LPGAT1: variants seen among roughly 807,000 people sequenced by gnomAD.
LPGAT1 encodes acyl-CoA:lysophosphatidylglycerol acyltransferase 1.
LPGAT1 carries 11 observed loss-of-function variants against 47.5 expected under a neutral mutation model. The observed-to-expected ratio is 0.23, with a 90% CI of 0.15 to 0.38. The LOEUF (loss-of-function observed/expected upper bound fraction) is 0.38, where lower values mean the gene tolerates loss of function less well. LPGAT1 is among the 10% of genes least tolerant of loss of function. The probability of loss-of-function intolerance (pLI) is 1.00; values close to 1 mark genes in which losing one functional copy is unlikely to be tolerated. For synonymous variants in LPGAT1, 138 were observed against 144.2 expected, an observed-to-expected ratio of 0.96 and a Z score of 0.31; for missense variants, 293 against 439.0, an observed-to-expected ratio of 0.67 and a Z score of 2.97.
rs528689840 is a variant in LPGAT1 at position 211,747,937 on chromosome 1, A to G, written c.*1962T>C. On this transcript the variant is annotated 3_prime_UTR_variant, in exon 8 of 8. Coordinates refer to ENST00000366997, the MANE Select transcript of LPGAT1 (RefSeq NM_014873.3). Reference sequence around the variant, plus strand: ...TCTTCTGCATTTTACCAGTAGTAGTATAATATTCAATGAGGTATTTCAGTT... The same window carrying G: ...TCTTCTGCATTTTACCAGTAGTAGTGTAATATTCAATGAGGTATTTCAGTT... The G allele has an allele frequency of 1.3e-5, 2 of 152,788 alleles. No individual in the cohort carries two copies. Among genetic ancestry groups the G allele is most frequent in the Admixed American group, 6.5e-5 (1 of 15,302 alleles). The allele number at this position is 152,788 out of a possible 1,614,324, so 9.5% of individuals were successfully genotyped here. A position where few individuals can be genotyped will look rare whatever the true frequency, so the allele number is the denominator to read the frequency against.
At chr1:211,803,720 TCAAATA>T (rs746995207) in intron 2 of LPGAT1, among the ~76,000 whole-genome samples, 1 of 151,904 alleles carries the variant, frequency 6.6e-6, no homozygotes, top group Non-Finnish European at 1.5e-5. Flanking sequence ...ACAATAAAAT[TCAAATA>T]CAAACTAGAA....
chr1:211,799,401 T>C (rs1659476885), intron 2 of LPGAT1, among the ~76,000 whole-genome samples: 2 of 152,172 alleles, frequency 1.3e-5, no homozygotes, highest in Non-Finnish European at 2.9e-5. Flanking sequence ...AATATGCAGA[T>C]AGTATCATCC....
At chr1:211,767,767 AG>A (rs1011500946) in intron 6 of LPGAT1, among the ~76,000 whole-genome samples, 7 of 152,328 alleles carry the variant, frequency 4.6e-5, no homozygotes, top group African/African-American at 7.2e-5. Flanking sequence ...GATAGAGAAA[AG>A]TCCTAGCATA....
intron 2 of LPGAT1, among the ~76,000 whole-genome samples, chr1:211,809,856 A>G (rs957390466): frequency 6.6e-6 from 1 of 152,158 alleles, no homozygotes; most frequent in Non-Finnish European, 1.5e-5. Context: ...AGAACAGACT[A>G]ATACAATTCC....
chr1:211,745,059 C>T lies in LPGAT1; in HGVS notation c.*4840G>A, dbSNP rs903025175. 1 of 152,582 alleles carries T rather than the reference C, an allele frequency of 6.6e-6. No homozygotes were observed. The highest frequency in any genetic ancestry group is 6.5e-5 in the Admixed American group (1 of 15,268). 9.5% of individuals were successfully genotyped at this position (152,582 alleles called of 1,614,324 possible). On this transcript the variant is annotated 3_prime_UTR_variant, in exon 8 of 8. Transcript: ENST00000366997. The stretch of plus-strand genomic sequence containing the variant: ...GCTATTAATTTTTGTTGAGAAAATG[C>T]TTCTTTTGGTGTTCACATCTAAATT...
At chr1:211,778,376 G>A (rs1658502796) in intron 6 of LPGAT1, among the ~76,000 whole-genome samples, 1 of 149,494 alleles carries the variant, frequency 6.7e-6, no homozygotes, top group Admixed American at 6.6e-5. Flanking sequence ...AAAAAAAAAG[G>A]AAGGCATGAA....
At chr1:211,793,431 T>G (rs1659221991) in intron 2 of LPGAT1, 1 of 148,028 alleles carries the variant, frequency 6.8e-6, no homozygotes, top group Admixed American at 7.0e-5. Flanking sequence ...ATTTATTTAT[T>G]TATTTATTTA....
intron 6 of LPGAT1, among the ~76,000 whole-genome samples, chr1:211,777,065 A>T (rs1658433675): frequency 6.6e-6 from 1 of 152,228 alleles, no homozygotes; most frequent in African/African-American, 2.4e-5. Flanking sequence ...TAAAATTTTT[A>T]AAATATAACC....
At chr1:211,795,951 C>T (rs1571740593) in intron 2 of LPGAT1, among the ~76,000 whole-genome samples, 1 of 151,994 alleles carries the variant, frequency 6.6e-6, no homozygotes, top group East Asian at 1.9e-4. Flanking sequence ...AAATAGTGGG[C>T]TATTAAGAGG....
chr1:211,809,214 A>C (rs575847854), intron 2 of LPGAT1, among the ~76,000 whole-genome samples: 1 of 152,092 alleles, frequency 6.6e-6, no homozygotes, highest in East Asian at 1.9e-4. Flanking sequence ...AAAAAAAATT[A>C]ATTGTGTTAA....
intron 1 of LPGAT1, 130 bp from the exon 2 acceptor site, chr1:211,829,453 G>C: frequency 1.4e-6 from 2 of 1,453,248 alleles, no homozygotes; most frequent in South Asian, 2.9e-5. Context: ...GTAGTACCTC[G>C]GTGATCTCTC....
Position 211,749,721 on chromosome 1 carries a change from T to C in LPGAT1, c.*178A>G. 1.6e-6 allele frequency: 1 copy of C among 634,906 alleles called. No individual in the cohort carries two copies. Among genetic ancestry groups the C allele is most frequent in the Non-Finnish European group, 2.7e-6 (1 of 367,322 alleles). The allele number at this position is 634,906 out of a possible 1,614,324, so 39.3% of individuals were successfully genotyped here. A position where few individuals can be genotyped will look rare whatever the true frequency, so the allele number is the denominator to read the frequency against. ...AAAATATATTAGCAGGTCATTATAT[T>C]ACTAATCCTCATTTTAGTAGATTTT... On this transcript the variant is annotated 3_prime_UTR_variant, in exon 8 of 8. Transcript: ENST00000366997.
chr1:211,820,731 T>C (rs1028537832), intron 2 of LPGAT1, among the ~76,000 whole-genome samples: 3 of 151,962 alleles, frequency 2.0e-5, no homozygotes, highest in Non-Finnish European at 4.4e-5. Flanking sequence ...TCAACATACA[T>C]ATAACTAAGG....
intron 1 of LPGAT1, 49 bp from the exon 2 acceptor site, chr1:211,829,372 T>A: frequency 6.3e-7 from 1 of 1,593,918 alleles, no homozygotes; most frequent in Non-Finnish European, 8.6e-7. Context: ...ATTAAATACA[T>A]CTAAACAGTC....
At chr1:211,803,897 C>T (rs1235505037) in intron 2 of LPGAT1, among the ~76,000 whole-genome samples, 1 of 151,390 alleles carries the variant, frequency 6.6e-6, no homozygotes, top group African/African-American at 2.4e-5. Flanking sequence ...AAGCTGGGAC[C>T]GCCAGCATGC....
chr1:211,822,366 T>A (rs947852248), intron 2 of LPGAT1, among the ~76,000 whole-genome samples: 2 of 152,190 alleles, frequency 1.3e-5, no homozygotes, highest in African/African-American at 4.8e-5. Flanking sequence ...TTTAGTAATA[T>A]TTACCTTTAA....
chr1:211,830,596 G>A lies in LPGAT1; in HGVS notation c.-51C>T. 2 of 1,149,810 alleles carry A rather than the reference G, an allele frequency of 1.7e-6. No homozygotes were observed. Among genetic ancestry groups the A allele is most frequent in the Non-Finnish European group, 2.1e-6 (2 of 938,076 alleles). 71.2% of individuals were successfully genotyped at this position (1,149,810 alleles called of 1,614,324 possible). A position where few individuals can be genotyped will look rare whatever the true frequency, so the allele number is the denominator to read the frequency against. ...ACCTCGGGCTGGCCGGGCCCCAGCCGGGGCTTTGGGAGTCAGAGGAGCCGG... is the reference window on the plus strand; with the variant it reads ...ACCTCGGGCTGGCCGGGCCCCAGCCAGGGCTTTGGGAGTCAGAGGAGCCGG... On this transcript the variant is annotated 5_prime_UTR_variant, in exon 1 of 8. Transcript: ENST00000366997. The surrounding 1 kb of genome is among the most constrained non-coding windows in gnomAD (Gnocchi z 5.9).
In LPGAT1 at chr1:211,815,773, CTTTTTTT is replaced by C. The variant is rs938719098; in HGVS notation, c.238+13279_238+13285del. Reference sequence around the variant, plus strand: ...TTCCTCAAACATGACAAATGCTTTTCTTTTTTTTTTTTTTTTTTTTTTTGAGACTGAG... The same window carrying C: ...TTCCTCAAACATGACAAATGCTTTTCTTTTTTTTTTTTTTTTGAGACTGAG... On this transcript the variant is annotated intron_variant, in intron 2 of 7. Transcript: ENST00000366997. Among the ~76,000 whole-genome samples, 6 of 101,842 alleles carry C rather than the reference CTTTTTTT, an allele frequency of 5.9e-5. No individual in the cohort carries two copies. The East Asian group carries it at 1.5e-3, about 26-fold the overall frequency. 66.8% of individuals were successfully genotyped at this position (101,842 alleles called of 152,430 possible). A position where few individuals can be genotyped will look rare whatever the true frequency, so the allele number is the denominator to read the frequency against.
rs370672925 is a variant in LPGAT1, at chr1:211,804,093, G to A, written c.239-10903C>T. 1.4e-4 allele frequency among the ~76,000 whole-genome samples: 22 copies of A among 152,058 alleles called. No homozygotes were observed. The East Asian group carries it at 3.9e-3, about 27-fold the overall frequency. On this transcript the variant is annotated intron_variant, in intron 2 of 7. Transcript: ENST00000366997. ...GGCTTATTTTTATTTTTATTTTTGA[G>A]GTTGGGTCTTACTCTGCTACCCAGT... is the stretch of plus-strand genomic sequence containing the variant.
Sources: allele counts gnomAD v4.1 joint callset (sites outside exome capture counted in the v4.1 genomes callset), GRCh38; gene constraint gnomAD v4.1.1; non-coding constraint Gnocchi (gnomAD v3.1); transcripts MANE v1.5; gene names NCBI Gene and HGNC (gene_info 2026-07-23, HGNC 2026-07-21).